The following PTH2R variants were observed in gnomAD, a reference collection of about 807,000 sequenced individuals.
PTH2R encodes the protein PTH2 receptor.
PTH2R carries 59 observed loss-of-function variants against 60.3 expected under a neutral mutation model. The ratio of observed to expected loss-of-function variants is 0.98; its 90% CI spans 0.79 to 1.22. The LOEUF (loss-of-function observed/expected upper bound fraction) is 1.22. Among genes scored for constraint, PTH2R ranks in the 50% most tolerant of loss-of-function variants. The probability of loss-of-function intolerance (pLI) is 0.00; values close to 1 mark genes in which losing one functional copy is unlikely to be tolerated. For missense variants in PTH2R, 749 were observed against 682.6 expected (o/e 1.10, Z -1.08); for synonymous variants, 256 against 243.8 (o/e 1.05, Z -0.47).
At chr2:208,373,011 G>A (rs6757231) in intron 1 of PTH2R, among the ~76,000 whole-genome samples, 73,517 of 151,934 alleles carry the variant, frequency 0.48, 18,956 homozygotes, top group Admixed American at 0.57. Flanking sequence ...GCTTGAGCTC[G>A]GGATGTGGAG....
At chr2:208,413,622 A>G (rs959355423) in intron 1 of PTH2R, among the ~76,000 whole-genome samples, 1 of 152,232 alleles carries the variant, frequency 6.6e-6, no homozygotes, top group African/African-American at 2.4e-5. Context: ...AATGTAAAAT[A>G]TTGACTAAAT....
rs78457356 is a variant in PTH2R at position 208,361,599 on chromosome 2, A to G, written c.-259+1362A>G. On this transcript the variant is annotated intron_variant, in intron 1 of 12. Coordinates refer to the PTH2R transcript ENST00000617735. ...AACTAAATAACTCCTCTTTCCCCCT[A>G]CTCCCAAGCTCCAGGCAGCTACCAT... Among the ~76,000 whole-genome samples, 75 of 151,570 alleles carry G rather than the reference A, an allele frequency of 4.9e-4. No homozygotes were observed. In the East Asian group the frequency reaches 0.014, roughly 29 times the overall value.
chr2:208,407,092 G>C lies in PTH2R; in HGVS notation c.49G>C (p.Gly17Arg), dbSNP rs201452048. 135 of 1,394,568 alleles carry C rather than the reference G, an allele frequency of 9.7e-5. No homozygotes were observed. Among genetic ancestry groups the C allele is most frequent in the Non-Finnish European group, 1.1e-4 (121 of 1,067,254 alleles). The allele number at this position is 1,394,568 out of a possible 1,614,324, so 86.4% of individuals were successfully genotyped here. A position where few individuals can be genotyped will look rare whatever the true frequency, so the allele number is the denominator to read the frequency against. The change falls in exon 1 of 13, where the codon GGC (glycine) becomes CGC (arginine). Residue 17 changes from glycine (G) to arginine (R), a missense_variant. Physicochemically the swap from Gly to Arg is moderately radical, Grantham distance 125 (BLOSUM62 -2). Coordinates refer to ENST00000272847, the MANE Select transcript of PTH2R (RefSeq NM_005048.4). ...SLHVWGWLML[G>R]SCLLARAQLD... ...CCACGTCTGGGGTTGGCTAATGCTC[G>C]GCAGCTGCCTCCTGGCCAGAGCCCA...
intron 1 of PTH2R, chr2:208,360,615 A>C (rs562123240): frequency 6.5e-6 from 1 of 153,472 alleles, no homozygotes; most frequent in East Asian, 1.9e-4. Flanking sequence ...CCAGCCACCC[A>C]CCAAGCGCCA....
chr2:208,425,477 C>A (rs1040151801), intron 1 of PTH2R, among the ~76,000 whole-genome samples: 3 of 152,222 alleles, frequency 2.0e-5, no homozygotes, highest in African/African-American at 7.2e-5. Context: ...GCTATATAAT[C>A]TACCTCTTAA....
intron 10 of PTH2R, among the ~76,000 whole-genome samples, chr2:208,484,442 A>G (rs1490932288): frequency 2.0e-5 from 3 of 152,262 alleles, no homozygotes; most frequent in Non-Finnish European, 4.4e-5. Flanking sequence ...GGCATAGTGT[A>G]TAACTACAGT....
rs1481707322 is a variant in PTH2R at position 208,490,691 on chromosome 2, A to G, written c.1257+11A>G. 1.2e-6 allele frequency: 2 copies of G among 1,607,614 alleles called. No individual in the cohort carries two copies. The highest frequency in any genetic ancestry group is 1.7e-6 in the Non-Finnish European group (2 of 1,178,212). ...TACTGCAATGGAGAGGTAGGTTTGT[A>G]GGAACCTTGGACAGGTCTCGCTTCA... On this transcript the variant is annotated intron_variant, in intron 12 of 12. Coordinates refer to ENST00000272847, the MANE Select transcript of PTH2R (RefSeq NM_005048.4).
chr2:208,406,825 C>G lies in PTH2R; in HGVS notation c.-219C>G, dbSNP rs1444101993. ...GGCCAGTCTCTCCGGAAGACAAGAC[C>G]AACCTCGCGCCGCGGCGCAGCAGCA... is the stretch of plus-strand genomic sequence containing the variant. On this transcript the variant is annotated 5_prime_UTR_variant, in exon 1 of 13. Transcript: ENST00000272847. 7 of 386,964 alleles carry G rather than the reference C, an allele frequency of 1.8e-5. No homozygotes were observed. The highest frequency in any genetic ancestry group is 2.7e-5 in the Non-Finnish European group (6 of 218,760). 24.0% of individuals were successfully genotyped at this position (386,964 alleles called of 1,614,324 possible).
At chr2:208,363,628 C>T (rs1700523192) in intron 1 of PTH2R, among the ~76,000 whole-genome samples, 1 of 152,144 alleles carries the variant, frequency 6.6e-6, no homozygotes, top group African/African-American at 2.4e-5. Flanking sequence ...ACTTACATTC[C>T]CACCAGCAGT....
At chr2:208,406,641 T>G (rs1274557775), upstream of PTH2R, among the ~76,000 whole-genome samples, 1 of 151,992 alleles carries the variant, frequency 6.6e-6, no homozygotes, top group Non-Finnish European at 1.5e-5. Flanking sequence ...AGCAGCGACA[T>G]GAGATCCTTT....
chr2:208,415,924 A>G (rs1701631379), intron 1 of PTH2R, among the ~76,000 whole-genome samples: 1 of 152,224 alleles, frequency 6.6e-6, no homozygotes, highest in Non-Finnish European at 1.5e-5. Context: ...AAATGTGTCT[A>G]GAGAAAATAG....
chr2:208,484,120 A>G (rs1703221323), intron 10 of PTH2R, among the ~76,000 whole-genome samples: 1 of 152,266 alleles, frequency 6.6e-6, no homozygotes, highest in Admixed American at 6.5e-5. Context: ...ATAAAACAAT[A>G]CAAAATTTCC....
intron 1 of PTH2R, among the ~76,000 whole-genome samples, chr2:208,424,090 C>A (rs75840527): frequency 0.025 from 3,789 of 152,206 alleles, 72 homozygotes; most frequent in Non-Finnish European, 0.038. Flanking sequence ...GCTGACTCTC[C>A]ACTAGGTCTT....
At chr2:208,479,196 C>T (rs115925684) in intron 9 of PTH2R, among the ~76,000 whole-genome samples, 135 of 151,730 alleles carry the variant, frequency 8.9e-4, no homozygotes, top group Admixed American at 1.6e-3. Context: ...GTGGACTCAT[C>T]GGCATGTATT....
intron 10 of PTH2R, among the ~76,000 whole-genome samples, chr2:208,488,274 C>T (rs1046696223): frequency 6.6e-5 from 10 of 152,014 alleles, no homozygotes; most frequent in Admixed American, 3.3e-4. Context: ...ACATATGGCT[C>T]ATAGAAAAAT....
intron 2 of PTH2R, among the ~76,000 whole-genome samples, chr2:208,432,888 C>T (rs1236239944): frequency 6.6e-6 from 1 of 152,146 alleles, no homozygotes; most frequent in Non-Finnish European, 1.5e-5. Context: ...CTGGAGGGTG[C>T]CCACCCTCAA....
intron 1 of PTH2R, among the ~76,000 whole-genome samples, chr2:208,399,032 C>G (rs1055411402): frequency 6.6e-6 from 1 of 152,154 alleles, no homozygotes; most frequent in African/African-American, 2.4e-5. Context: ...AGACATCGTT[C>G]AAACAAAGGG....
At chr2:208,451,304 C>T (rs1010576244) in intron 8 of PTH2R, among the ~76,000 whole-genome samples, 22 of 152,110 alleles carry the variant, frequency 1.4e-4, no homozygotes, top group African/African-American at 4.8e-4. Flanking sequence ...CATACTTCCT[C>T]ATAGAGATGG....
At chr2:208,419,042 G>C (rs1186753469) in intron 1 of PTH2R, among the ~76,000 whole-genome samples, 1 of 152,148 alleles carries the variant, frequency 6.6e-6, no homozygotes, top group Non-Finnish European at 1.5e-5. Flanking sequence ...ACCCAGTAAT[G>C]GGATGGCTGG....
Sources: gnomAD v4.1 joint callset for allele counts (sites outside exome capture counted in the v4.1 genomes callset) on GRCh38, gnomAD v4.1.1 for gene constraint, MANE v1.5 for transcripts, NCBI Gene and HGNC (gene_info 2026-07-23, HGNC 2026-07-21) for gene names.